The following RAP1A variants were observed in gnomAD, a reference collection of about 807,000 sequenced individuals.
RAP1A encodes ras-related protein Rap-1A.
A neutral mutation model predicts 26.4 loss-of-function variants in RAP1A; 6 were observed. That is an observed-to-expected ratio of 0.23 (90% CI 0.12 to 0.45). RAP1A has a LOEUF of 0.45. Among genes scored for constraint, RAP1A ranks in the 20% least tolerant of loss-of-function variants. The probability of loss-of-function intolerance (pLI) is 0.99; values close to 1 mark genes in which losing one functional copy is unlikely to be tolerated. For synonymous variants in RAP1A, 73 were observed against 79.4 expected, an observed-to-expected ratio of 0.92 and a Z score of 0.43; for missense variants, 121 against 217.2, an observed-to-expected ratio of 0.56 and a Z score of 2.78.
At chr1:111,669,216 C>G (rs1356647340) in intron 1 of RAP1A, among the ~76,000 whole-genome samples, 2 of 151,972 alleles carry the variant, frequency 1.3e-5, no homozygotes, top group Non-Finnish European at 2.9e-5. Context: ...CAACCATAGC[C>G]TAAATTGCTA....
chr1:111,619,292 G>A (rs1659088116), upstream of RAP1A, among the ~76,000 whole-genome samples: 1 of 152,138 alleles, frequency 6.6e-6, no homozygotes, highest in African/African-American at 2.4e-5. Flanking sequence ...CTCACCAGGT[G>A]TAAAGTCACC....
chr1:111,590,326 G>A (rs892157726), intron 1 of RAP1A, among the ~76,000 whole-genome samples: 1 of 152,122 alleles, frequency 6.6e-6, no homozygotes, highest in Non-Finnish European at 1.5e-5. Flanking sequence ...TAGTGATGGT[G>A]GACATTCTTG....
intron 1 of RAP1A, among the ~76,000 whole-genome samples, chr1:111,632,514 G>A (rs996040015): frequency 6.6e-6 from 1 of 152,108 alleles, no homozygotes; most frequent in Non-Finnish European, 1.5e-5. Flanking sequence ...GTGCTAGACT[G>A]TGGAAAAGGA....
intron 1 of RAP1A, chr1:111,608,548 G>C (rs1248646261): frequency 6.0e-6 from 1 of 167,716 alleles, no homozygotes; most frequent in Non-Finnish European, 1.3e-5. Context: ...GCCAAGGCAG[G>C]CGGCTGGGAG....
At chr1:111,593,238 C>T (rs1482396724) in intron 1 of RAP1A, among the ~76,000 whole-genome samples, 5 of 152,112 alleles carry the variant, frequency 3.3e-5, no homozygotes, top group Non-Finnish European at 7.4e-5. Context: ...GCCTAACTGC[C>T]GTTCTCTTGT....
chr1:111,691,989 A>G (rs1192078008), intron 2 of RAP1A, among the ~76,000 whole-genome samples: 1 of 152,246 alleles, frequency 6.6e-6, no homozygotes, highest in Non-Finnish European at 1.5e-5. Flanking sequence ...AGAAAAATAC[A>G]GATTAATTTA....
chr1:111,542,698 T>G (rs1162116618), intron 1 of RAP1A, among the ~76,000 whole-genome samples: 1 of 3,556 alleles, frequency 2.8e-4, no homozygotes, highest in Non-Finnish European at 0.024. Context: ...TTGTTTTTGT[T>G]TTTTTTTTCT....
upstream of RAP1A, among the ~76,000 whole-genome samples, chr1:111,616,867 T>G (rs1659023562): frequency 6.6e-6 from 1 of 152,194 alleles, no homozygotes; most frequent in Non-Finnish European, 1.5e-5. Flanking sequence ...TTTTCCACTC[T>G]TCAAGGAGAT....
intron 1 of RAP1A, among the ~76,000 whole-genome samples, chr1:111,561,226 T>A (rs1174756903): frequency 2.0e-5 from 3 of 152,174 alleles, no homozygotes; most frequent in Non-Finnish European, 4.4e-5. Flanking sequence ...CAGGCTTAGA[T>A]GATCCTCCCA....
chr1:111,605,798 G>T (rs536602460), intron 1 of RAP1A, among the ~76,000 whole-genome samples: 3 of 152,328 alleles, frequency 2.0e-5, no homozygotes, highest in Admixed American at 2.0e-4. Context: ...GATGCAATTT[G>T]TTCAGGCAGT....
chr1:111,636,513 C>T lies in RAP1A; in HGVS notation c.-28+16579C>T, dbSNP rs551935915. On this transcript the variant is annotated intron_variant, in intron 1 of 7. Transcript: ENST00000369709. ...TTTTTTTTTTTTGGAGACGGAGTTT[C>T]GTTCTTGTTGCCCAGGCTGGAGTGC... Among the ~76,000 whole-genome samples, 640 of 145,924 alleles carry T rather than the reference C, an allele frequency of 4.4e-3. 13 individuals carry two copies. The highest frequency in any genetic ancestry group is 0.014 in the African/African-American group (537 of 39,376).
At chr1:111,661,902 C>T (rs1212729819) in intron 1 of RAP1A, among the ~76,000 whole-genome samples, 1 of 151,646 alleles carries the variant, frequency 6.6e-6, no homozygotes, top group Non-Finnish European at 1.5e-5. Context: ...CAGAATAAAC[C>T]CTAGAAATTC....
intron 1 of RAP1A, among the ~76,000 whole-genome samples, chr1:111,664,609 A>G (rs1660747736): frequency 6.6e-6 from 1 of 152,096 alleles, no homozygotes; most frequent in Non-Finnish European, 1.5e-5. Flanking sequence ...AGAAATACAT[A>G]CAAAGTACAC....
At chr1:111,629,836 C>T (rs764286733) in intron 1 of RAP1A, among the ~76,000 whole-genome samples, 61 of 152,222 alleles carry the variant, frequency 4.0e-4, no homozygotes, top group African/African-American at 1.2e-3. Flanking sequence ...ATATTCAAAA[C>T]GATGATTTAA....
intron 1 of RAP1A, among the ~76,000 whole-genome samples, chr1:111,638,185 C>T (rs971181536): frequency 6.6e-6 from 1 of 152,052 alleles, no homozygotes; most frequent in Non-Finnish European, 1.5e-5. Context: ...CGCATTTTGC[C>T]TGAGAGATTT....
chr1:111,553,258 C>T (rs1245933958), intron 1 of RAP1A, among the ~76,000 whole-genome samples: 1 of 152,216 alleles, frequency 6.6e-6, no homozygotes, highest in Non-Finnish European at 1.5e-5. Context: ...TGCACACATT[C>T]CATTATAGAA....
intron 1 of RAP1A, among the ~76,000 whole-genome samples, chr1:111,599,331 G>A (rs1156255225): frequency 2.6e-5 from 4 of 152,056 alleles, no homozygotes; most frequent in Admixed American, 2.6e-4. Flanking sequence ...TCAGCCTCCT[G>A]AGTAGCTGGG....
At chr1:111,654,047 G>A (rs959192496) in intron 1 of RAP1A, among the ~76,000 whole-genome samples, 1 of 152,170 alleles carries the variant, frequency 6.6e-6, no homozygotes, top group Non-Finnish European at 1.5e-5. Context: ...GATCTGGCCT[G>A]CTAAGGATAA....
chr1:111,595,240 C>A (rs552092382), intron 1 of RAP1A, among the ~76,000 whole-genome samples: 3 of 152,044 alleles, frequency 2.0e-5, no homozygotes, highest in Admixed American at 6.5e-5. Context: ...AGCCATGTAG[C>A]AAATCTTACC....
Sources: allele counts gnomAD v4.1 joint callset (sites outside exome capture counted in the v4.1 genomes callset), GRCh38; gene constraint gnomAD v4.1.1; transcripts MANE v1.5; gene names NCBI Gene and HGNC (gene_info 2026-07-23, HGNC 2026-07-21).